Variants in SYNE1 observed in about 807,000 individuals in gnomAD.
SYNE1 encodes the protein spectrin repeat containing nuclear envelope protein 1.
In SYNE1, 616 loss-of-function variants were observed where a neutral mutation model predicts 1,111.0. The ratio of observed to expected loss-of-function variants is 0.55; its 90% CI spans 0.52 to 0.59. The LOEUF (loss-of-function observed/expected upper bound fraction) is 0.59. Among genes scored for constraint, SYNE1 ranks in the 20% least tolerant of loss-of-function variants. The probability of loss-of-function intolerance (pLI) is 0.00; values close to 1 mark genes in which losing one functional copy is unlikely to be tolerated. For missense variants in SYNE1, 10,006 were observed against 10,417.0 expected (o/e 0.96, Z 1.72); for synonymous variants, 3,855 against 3,825.8 (o/e 1.01, Z -0.28).
intron 5 of SYNE1, among the ~76,000 whole-genome samples, chr6:152,521,513 T>A (rs2099139461): frequency 2.0e-5 from 3 of 152,212 alleles, no homozygotes; most frequent in Non-Finnish European, 2.9e-5. Context: ...CAACATTTGA[T>A]TTTGACAGAT....
chr6:152,169,351 A>G (rs2064512481), intron 130 of SYNE1, among the ~76,000 whole-genome samples: 1 of 151,942 alleles, frequency 6.6e-6, no homozygotes, highest in South Asian at 2.1e-4. Context: ...TCACAAGGTC[A>G]GGAGATCAAG....
chr6:152,181,252 A>G (rs2068001935), intron 128 of SYNE1, among the ~76,000 whole-genome samples: 1 of 137,584 alleles, frequency 7.3e-6, no homozygotes, highest in Non-Finnish European at 1.6e-5. Flanking sequence ...TCTCTATTAA[A>G]AATACAAAAA....
chr6:152,261,754 A>C (rs2092025892), intron 101 of SYNE1, among the ~76,000 whole-genome samples: 1 of 152,232 alleles, frequency 6.6e-6, no homozygotes, highest in Non-Finnish European at 1.5e-5. Flanking sequence ...AAAAGAGGGC[A>C]CTTAAAATGT....
chr6:152,604,599 C>T (rs2099606362), intron 3 of SYNE1, among the ~76,000 whole-genome samples: 3 of 152,040 alleles, frequency 2.0e-5, no homozygotes, highest in Admixed American at 2.0e-4. Context: ...CCACTGTGCC[C>T]ATCCCAGCTA....
chr6:152,384,753 C>T lies in SYNE1; in HGVS notation c.8652+921G>A, dbSNP rs1234587127. Among the ~76,000 whole-genome samples the T allele has an allele frequency of 2.6e-5, 4 of 152,128 alleles. No individual in the cohort carries two copies. In the South Asian group the frequency reaches 8.3e-4, roughly 32 times the overall value. ...AGTTAGCCAGACGTGGTGGTCAGCA[C>T]CTGTAATCGCAGCTACTCGGGAGGC... On this transcript the variant is annotated intron_variant, in intron 55 of 145. Coordinates refer to ENST00000367255, the MANE Select transcript of SYNE1 (RefSeq NM_182961.4).
intron 130 of SYNE1, among the ~76,000 whole-genome samples, chr6:152,173,628 C>G (rs2065727021): frequency 6.6e-6 from 1 of 152,158 alleles, no homozygotes; most frequent in Non-Finnish European, 1.5e-5. Flanking sequence ...GGGTGTCTTT[C>G]AGGAGAAGCT....
At chr6:152,201,654 C>T (rs775870293) in intron 127 of SYNE1, among the ~76,000 whole-genome samples, 170 bp downstream of exon 127, 1 of 152,152 alleles carries the variant, frequency 6.6e-6, no homozygotes, top group African/African-American at 2.4e-5. Flanking sequence ...ATTTCATCAA[C>T]TGCAATAAAT....
At position 152,309,996 on chromosome 6, in the gene SYNE1, A is replaced by T; in HGVS notation, c.17041T>A (p.Ser5681Thr). Residue 5681 changes from serine to threonine, a missense_variant, in exon 90 of 146, where the codon TCA (serine) becomes ACA (threonine). By Grantham distance (58) the Ser-to-Thr change is moderately conservative (BLOSUM62 1). This residue lies in a region of SYNE1 where 4,955 missense variants were observed against 5,017.2 expected (regional missense o/e 0.99). Transcript: ENST00000367255. ...ACTGCTTGCACCTTCGGCTTCAGTG[A>T]CTCCATCTCAGACAACAAATGCTGA... ...HRQHLLSEME[S>T]LKPKVQAVQL... 6.2e-7 allele frequency: 1 copy of T among 1,613,912 alleles called. No individual in the cohort carries two copies. Among genetic ancestry groups the T allele is most frequent in the African/African-American group, 1.3e-5 (1 of 75,014 alleles).
intron 61 of SYNE1, 58 bp downstream of exon 61, chr6:152,368,914 C>T: frequency 6.2e-7 from 1 of 1,612,182 alleles, no homozygotes; most frequent in East Asian, 2.2e-5. Context: ...GAACCTGCTG[C>T]AACTCCAATT....
chr6:152,398,692 T>C lies in SYNE1; in HGVS notation c.7277A>G (p.Lys2426Arg), dbSNP rs764200857. Reference protein sequence around the residue: ...QEFQEWFLGAKAAAKESSDRT... With the variant: ...QEFQEWFLGARAAAKESSDRT... ...ATCTGATGATTCTTTTGCTGCTGCCTTTGCTCCCAAAAACCATTCTTGGAA... is the reference window on the plus strand; with the variant it reads ...ATCTGATGATTCTTTTGCTGCTGCCCTTGCTCCCAAAAACCATTCTTGGAA... The change falls in exon 49 of 146, where the codon AAG becomes AGG. Residue 2426 changes from lysine (K) to arginine (R), a missense_variant. Around this residue, in one of 7 missense-constraint regions of SYNE1, gnomAD observed 4,955 missense variants for 5,017.2 expected, o/e 0.99. Transcript: ENST00000367255. 4 of 1,613,954 alleles carry C rather than the reference T, an allele frequency of 2.5e-6. 1 individual carries two copies. The South Asian group carries it at 3.3e-5, about 13-fold the overall frequency.
chr6:152,622,256 A>C (rs1178777120), intron 3 of SYNE1, among the ~76,000 whole-genome samples: 2 of 152,144 alleles, frequency 1.3e-5, no homozygotes, highest in Non-Finnish European at 2.9e-5. Context: ...TAGAGTAATA[A>C]AGTATAAAGT....
intron 3 of SYNE1, among the ~76,000 whole-genome samples, chr6:152,620,138 A>G (rs2099672120): frequency 8.4e-6 from 1 of 118,764 alleles, no homozygotes; most frequent in South Asian, 2.7e-4. Flanking sequence ...AAAATTAACA[A>G]CATTAACACA....
chr6:152,622,454 G>T (rs543835967), intron 3 of SYNE1, among the ~76,000 whole-genome samples: 49 of 152,096 alleles, frequency 3.2e-4, no homozygotes, highest in African/African-American at 1.1e-3. Flanking sequence ...AGTGTCTGTT[G>T]TTCCCCTCTA....
In SYNE1 at chr6:152,269,268, C is replaced by T; in HGVS notation, c.18592G>A (p.Glu6198Lys). 1 of 1,614,188 alleles carries T rather than the reference C, an allele frequency of 6.2e-7. No individual in the cohort carries two copies. The highest frequency in any genetic ancestry group is 8.5e-7 in the Non-Finnish European group (1 of 1,180,042). ...LNMQGTAQEK[E>K]ESDVDLTATQ... The stretch of plus-strand genomic sequence containing the variant: ...GCTGTTAGGTCAACATCGCTCTCCT[C>T]CTTCTCCTGTGCTGTTCCCTGCTTT... The change falls in exon 99 of 146, where the codon GAG (glutamate) becomes AAG (lysine). Residue 6198 changes from glutamate to lysine, a missense_variant. Physicochemically the swap from Glu to Lys is moderately conservative, Grantham distance 56 (BLOSUM62 1). This residue lies in a region of SYNE1 where 2,182 missense variants were observed against 2,287.8 expected (regional missense o/e 0.95). Transcript: ENST00000367255.
intron 137 of SYNE1, chr6:152,145,536 G>A (rs2059324734): frequency 6.2e-7 from 1 of 1,613,982 alleles, no homozygotes; most frequent in East Asian, 2.2e-5. Context: ...AGGCCTCAGG[G>A]CTTTCGGGGA....
intron 130 of SYNE1, among the ~76,000 whole-genome samples, chr6:152,175,394 C>T (rs976685514): frequency 1.8e-4 from 27 of 152,148 alleles, no homozygotes; most frequent in Admixed American, 2.6e-4. Context: ...GCACATGGTA[C>T]GCAGAGGACA....
chr6:152,424,744 A>G (rs1444204395), intron 39 of SYNE1, among the ~76,000 whole-genome samples: 1 of 152,276 alleles, frequency 6.6e-6, no homozygotes. Flanking sequence ...TCCAGCACAT[A>G]GAAGAGTATG....
chr6:152,331,810 A>G lies in SYNE1; in HGVS notation c.12875T>C (p.Ile4292Thr), dbSNP rs371650978. The G allele has an allele frequency of 1.2e-6, 2 of 1,614,192 alleles. No homozygotes were observed. The highest frequency in any genetic ancestry group is 1.7e-6 in the Non-Finnish European group (2 of 1,180,042). The part of the protein sequence containing the change: ...ALALQERKYA[I>T]EDLKDQKQKM... The stretch of plus-strand genomic sequence containing the variant: ...CTGCTTTTGATCTTTCAGATCTTCA[A>G]TAGCATACTTTCTCTCCTGCAATGC... Residue 4292 changes from isoleucine (I) to threonine (T), a missense_variant, in exon 78 of 146, where the codon ATT becomes ACT. Around this residue, in one of 7 missense-constraint regions of SYNE1, gnomAD observed 4,955 missense variants for 5,017.2 expected, o/e 0.99. Transcript: ENST00000367255.
At chr6:152,479,053 A>G (rs1454941337) in intron 14 of SYNE1, among the ~76,000 whole-genome samples, 1 of 152,174 alleles carries the variant, frequency 6.6e-6, no homozygotes, top group Non-Finnish European at 1.5e-5. Flanking sequence ...TAGGGCACAG[A>G]GGAGATGAAG....
Sources: gnomAD v4.1 joint callset for allele counts (sites outside exome capture counted in the v4.1 genomes callset) on GRCh38, gnomAD v4.1.1 for gene constraint, gnomAD v4.1.1 regional missense constraint, MANE v1.5 for transcripts, NCBI Gene and HGNC (gene_info 2026-07-23, HGNC 2026-07-21) for gene names.